The following ARHGEF9 variants were observed in gnomAD, a reference collection of about 807,000 sequenced individuals.
ARHGEF9 encodes the protein rho guanine nucleotide exchange factor 9.
Under a neutral mutation model 41.3 loss-of-function variants are expected in ARHGEF9, and 2 were observed. That is an observed-to-expected ratio of 0.05 (90% CI 0.02 to 0.15). ARHGEF9 has a LOEUF of 0.15. ARHGEF9 is among the 10% of genes least tolerant of loss of function. ARHGEF9 has a pLI of 1.00. For synonymous variants in ARHGEF9, 160 were observed against 154.4 expected, an observed-to-expected ratio of 1.04 and a Z score of -0.27; for missense variants, 225 against 424.7, an observed-to-expected ratio of 0.53 and a Z score of 4.13.
intron 7 of ARHGEF9, among the ~76,000 whole-genome samples, chrX:63,661,158 C>G (rs2049186990): frequency 8.9e-6 from 1 of 112,418 alleles, no homozygotes; most frequent in Non-Finnish European, 1.9e-5. Flanking sequence ...CCAGCCCCAT[C>G]TCTGTTGCTA....
rs193197200 is a variant in ARHGEF9 at position 63,665,792 on chromosome X, G to T, written c.1077+94C>A. 447 of 1,078,908 alleles carry T rather than the reference G, an allele frequency of 4.1e-4. 1 individual carries two copies. Among genetic ancestry groups the T allele is most frequent in the Middle Eastern group, 2.8e-4 (1 of 3,577 alleles). The allele number at this position is 1,078,908 out of a possible 1,213,427, so 88.9% of individuals were successfully genotyped here. A position where few individuals can be genotyped will look rare whatever the true frequency, so the allele number is the denominator to read the frequency against. ...GTCTGTTTTCCCCCCATCAGTATTT[G>T]CCCACTTTGTTGGGAGCCTGGGGAT... On this transcript the variant is annotated intron_variant, in intron 7 of 9. Transcript: ENST00000671741.
chrX:63,772,688 C>T (rs1556455626), intron 1 of ARHGEF9, among the ~76,000 whole-genome samples: 1 of 111,409 alleles, frequency 9.0e-6, no homozygotes, highest in East Asian at 2.8e-4. Flanking sequence ...CACTGAACCA[C>T]ACTAACTTTG....
At chrX:63,667,217 GTAGA>G (rs1375703960) in intron 6 of ARHGEF9, among the ~76,000 whole-genome samples, 8 of 112,015 alleles carry the variant, frequency 7.1e-5, no homozygotes, top group African/African-American at 2.6e-4. Context: ...GCCCTGGGAA[GTAGA>G]TATTCTTGCT....
At chrX:63,690,421 C>G (rs1291918067) in intron 4 of ARHGEF9, among the ~76,000 whole-genome samples, 2 of 110,807 alleles carry the variant, frequency 1.8e-5, no homozygotes, top group Non-Finnish European at 3.8e-5. Context: ...ATATGACGTA[C>G]CAAGATTGAA....
chrX:63,672,751 G>C (rs1469627341), intron 6 of ARHGEF9, among the ~76,000 whole-genome samples: 1 of 111,590 alleles, frequency 9.0e-6, no homozygotes, highest in Non-Finnish European at 1.9e-5. Context: ...GCCAACGAGA[G>C]AGAATAAGGC....
rs202040698 is a variant in ARHGEF9, at chrX:63,666,045, C to A, written c.946-28G>T. The A allele has an allele frequency of 4.2e-4, 509 of 1,205,714 alleles. 3 individuals carry two copies. Among genetic ancestry groups the A allele is most frequent in the Non-Finnish European group, 8.5e-5 (76 of 894,232 alleles). ...GGGAAGGACATGTGATGATGAGAGG[C>A]AGCCAGGCAGAAGGATGGCACCATC... is the stretch of plus-strand genomic sequence containing the variant. On this transcript the variant is annotated intron_variant, in intron 6 of 9. Coordinates refer to ENST00000671741, the MANE Select transcript of ARHGEF9 (RefSeq NM_001353921.2).
At chrX:63,760,512 T>C (rs1457068411) in intron 1 of ARHGEF9, among the ~76,000 whole-genome samples, 2 of 111,952 alleles carry the variant, frequency 1.8e-5, no homozygotes, top group Admixed American at 1.9e-4. Flanking sequence ...TTTTACAGTT[T>C]AGTGGGAGAG....
At chrX:63,704,069 A>G (rs1556398780) in intron 3 of ARHGEF9, among the ~76,000 whole-genome samples, 1 of 111,822 alleles carries the variant, frequency 8.9e-6, no homozygotes, top group Admixed American at 9.5e-5. Context: ...AGGCCCCTGT[A>G]AACAATAATA....
intron 1 of ARHGEF9, among the ~76,000 whole-genome samples, chrX:63,726,079 CTTAAG>C (rs1480153862): frequency 2.7e-5 from 3 of 112,069 alleles, no homozygotes; most frequent in African/African-American, 9.7e-5. Flanking sequence ...TGATCTTTGA[CTTAAG>C]TTAACATGTT....
intron 8 of ARHGEF9, among the ~76,000 whole-genome samples, chrX:63,654,455 T>A (rs1350026866): frequency 8.9e-6 from 1 of 111,775 alleles, no homozygotes; most frequent in Non-Finnish European, 1.9e-5. Context: ...CATGTCCCAA[T>A]GGAGTGTCCA....
chrX:63,696,166 C>T (rs1272963266), intron 4 of ARHGEF9, among the ~76,000 whole-genome samples: 2 of 111,987 alleles, frequency 1.8e-5, no homozygotes, highest in Non-Finnish European at 3.8e-5. Context: ...TCTTAGGGAA[C>T]CCACCCCAAC....
chrX:63,685,272 C>T (rs1434619215), intron 4 of ARHGEF9, among the ~76,000 whole-genome samples: 1 of 110,703 alleles, frequency 9.0e-6, no homozygotes, highest in Non-Finnish European at 1.9e-5. Flanking sequence ...TTTAAAAGGT[C>T]AAAATCATAC....
chrX:63,708,485 A>AG (rs2052702344), intron 2 of ARHGEF9, among the ~76,000 whole-genome samples: 2 of 112,328 alleles, frequency 1.8e-5, no homozygotes, highest in Non-Finnish European at 3.8e-5. Flanking sequence ...TTCAAGCTAT[A>AG]CACCATGACA....
chrX:63,754,876 GGGAAAGGCAAAATCCTAGCTTTCAAA>G, intron 1 of ARHGEF9: 1 of 939,449 alleles, frequency 1.1e-6, no homozygotes, highest in South Asian at 5.9e-5. Context: ...CGGGCGCCAC[GGGAAAGGCAAAATCCTAGCTTTCAAA>G]GGGAAAGGCG....
At chrX:63,705,219 T>C (rs1389757936) in intron 3 of ARHGEF9, among the ~76,000 whole-genome samples, 40 of 111,060 alleles carry the variant, frequency 3.6e-4, no homozygotes, top group African/African-American at 1.1e-3. Context: ...TTGAAAAATG[T>C]TGGAGCTGTA....
Position 63,724,646 on chromosome X carries a change from C to T in ARHGEF9, c.96G>A (p.Arg32=). Residue 32 remains arginine (R), a synonymous_variant, in exon 2 of 10, where the codon CGG becomes CGA. Transcript: ENST00000671741. ...AVWDHVTMAN[R]ELAFKAGDVI... ...CGTCGCCAGCTTTAAATGCCAACTC[C>T]CGGTTGGCCATGGTGACGTGATCCC... The T allele has an allele frequency of 8.3e-7, 1 of 1,211,273 alleles. No homozygotes were observed. Among genetic ancestry groups the T allele is most frequent in the African/African-American group, 1.7e-5 (1 of 57,700 alleles).
chrX:63,778,748 A>T (rs7890932), intron 1 of ARHGEF9, among the ~76,000 whole-genome samples: 6,430 of 111,815 alleles, frequency 0.058, 489 homozygotes, highest in African/African-American at 0.2. Flanking sequence ...CTCAAGTTCA[A>T]AGTTCCACAG....
Position 63,637,932 on chromosome X carries a change from G to T in ARHGEF9, c.*96C>A. On this transcript the variant is annotated 3_prime_UTR_variant, in exon 10 of 10. Transcript: ENST00000671741. ...CTCAAGGGTCTCTGTGTGTGTGTGT[G>T]TGTATAAATTTCAACAGTGCTTCTC... is the stretch of plus-strand genomic sequence containing the variant. 2 of 701,989 alleles carry T rather than the reference G, an allele frequency of 2.8e-6. No homozygotes were observed. The highest frequency in any genetic ancestry group is 2.1e-6 in the Non-Finnish European group (1 of 478,754). The allele number at this position is 701,989 out of a possible 1,213,427, so 57.9% of individuals were successfully genotyped here. A position where few individuals can be genotyped will look rare whatever the true frequency, so the allele number is the denominator to read the frequency against.
intron 8 of ARHGEF9, among the ~76,000 whole-genome samples, chrX:63,646,512 T>C (rs1365974064): frequency 8.9e-6 from 1 of 112,063 alleles, no homozygotes; most frequent in African/African-American, 3.2e-5. Flanking sequence ...CTTGTTTTTC[T>C]CAGGTTTGTC....
Sources: gnomAD v4.1 joint callset for allele counts (sites outside exome capture counted in the v4.1 genomes callset) on GRCh38, gnomAD v4.1.1 for gene constraint, MANE v1.5 for transcripts, NCBI Gene and HGNC (gene_info 2026-07-23, HGNC 2026-07-21) for gene names.